The following CFAP46 variants were observed in gnomAD, a reference collection of about 807,000 sequenced individuals.
The protein encoded by CFAP46 is cilia and flagella associated protein 46.
Under a neutral mutation model 325.7 loss-of-function variants are expected in CFAP46, and 245 were observed. That is an observed-to-expected ratio of 0.75 (90% CI 0.68 to 0.84). The LOEUF (loss-of-function observed/expected upper bound fraction) is 0.84, where lower values mean the gene tolerates loss of function less well. CFAP46 is among the 40% of genes least tolerant of loss of function. The probability of loss-of-function intolerance (pLI) is 0.00; values close to 1 mark genes in which losing one functional copy is unlikely to be tolerated. For synonymous variants in CFAP46, 1,523 were observed against 1,495.9 expected, an observed-to-expected ratio of 1.02 and a Z score of -0.42; for missense variants, 3,346 against 3,543.0, an observed-to-expected ratio of 0.94 and a Z score of 1.41.
intron 50 of CFAP46, among the ~76,000 whole-genome samples, chr10:132,823,445 C>G (rs1847937906): frequency 9.1e-6 from 1 of 110,036 alleles, no homozygotes; most frequent in Non-Finnish European, 1.8e-5. Context: ...GCTGTGTGTG[C>G]TGATGTGTGT....
rs181011115 is a variant in CFAP46 at position 132,919,240 on chromosome 10, C to G, written c.1858+75G>C. ...GAAGGCCCCATGGGTTGTCATTGCA[C>G]GAACCACAACCCTTCCCACACCCAG... On this transcript the variant is annotated intron_variant, in intron 15 of 57. Coordinates refer to ENST00000368586, the MANE Select transcript of CFAP46 (RefSeq NM_001200049.3). This position sits in a 1 kb window ranked among gnomAD's most constrained non-coding sequence, Gnocchi z 9.7. 2.8e-6 allele frequency: 4 copies of G among 1,454,374 alleles called. No homozygotes were observed. Among genetic ancestry groups the G allele is most frequent in the Non-Finnish European group, 3.7e-6 (4 of 1,091,822 alleles). 90.1% of individuals were successfully genotyped at this position (1,454,374 alleles called of 1,614,324 possible).
rs529966007 is a variant in CFAP46, at chr10:132,821,162, T to C, written c.7118-6248A>G. 4.5e-4 allele frequency among the ~76,000 whole-genome samples: 61 copies of C among 134,584 alleles called. 2 individuals are homozygous for C. Among genetic ancestry groups the C allele is most frequent in the Admixed American group, 1.9e-3 (25 of 13,194 alleles). The allele number at this position is 134,584 out of a possible 152,430, so 88.3% of individuals were successfully genotyped here. A position where few individuals can be genotyped will look rare whatever the true frequency, so the allele number is the denominator to read the frequency against. On this transcript the variant is annotated intron_variant, in intron 50 of 57. Coordinates refer to ENST00000368586, the MANE Select transcript of CFAP46 (RefSeq NM_001200049.3). ...GTGCTGTGTGAGTGCTGATGTGTGC[T>C]GTCTGTGCGCTGATGTGTGCTGTGT...
At chr10:132,898,669 G>T in intron 24 of CFAP46, 1 of 478,616 alleles carries the variant, frequency 2.1e-6, no homozygotes, top group Non-Finnish European at 3.9e-6. Context: ...TTAAGGCAGG[G>T]ACTGTGCTGG....
At position 132,835,431 on chromosome 10, in the gene CFAP46, G is replaced by A. The variant is rs768731240; in HGVS notation, c.6617C>T (p.Ser2206Phe). The change falls in exon 47 of 58, where the codon TCC (serine) becomes TTC (phenylalanine). Residue 2206 changes from serine (S) to phenylalanine (F), a missense_variant. Coordinates refer to ENST00000368586, the MANE Select transcript of CFAP46 (RefSeq NM_001200049.3). ...AKGKVQAVGG[S>F]CKVMRLAISP... ...TATGGCCAGACGCATCACCTTGCAGGAGCCTGTGGGGACATGGACACACCC... is the reference window on the plus strand; with the variant it reads ...TATGGCCAGACGCATCACCTTGCAGAAGCCTGTGGGGACATGGACACACCC... 149 of 1,613,234 alleles carry A rather than the reference G, an allele frequency of 9.2e-5. No homozygotes were observed. Among genetic ancestry groups the A allele is most frequent in the Non-Finnish European group, 1.2e-4 (146 of 1,179,854 alleles).
chr10:132,936,843 G>A, intron 7 of CFAP46, 118 bp downstream of exon 7: 1 of 495,778 alleles, frequency 2.0e-6, no homozygotes, highest in East Asian at 3.3e-5. Context: ...CCCACTCACT[G>A]CAACTCCAGA....
chr10:132,908,708 A>G lies in CFAP46; in HGVS notation c.2758-74T>C, dbSNP rs1461291818. ...TTCCCACGGCCTGCAGCCCCCACGG[A>G]CCACGCAGCGCATGTGATCCTAAGC... On this transcript the variant is annotated intron_variant, in intron 21 of 57. Transcript: ENST00000368586. 14 of 1,449,110 alleles carry G rather than the reference A, an allele frequency of 9.7e-6. No individual in the cohort carries two copies. In the Admixed American group the frequency reaches 9.9e-5, roughly 10 times the overall value. The allele number at this position is 1,449,110 out of a possible 1,614,324, so 89.8% of individuals were successfully genotyped here. A position where few individuals can be genotyped will look rare whatever the true frequency, so the allele number is the denominator to read the frequency against.
At chr10:132,929,842 G>A (rs1849866187) in intron 8 of CFAP46, 38 bp from the exon 9 acceptor site, 1 of 1,508,028 alleles carries the variant, frequency 6.6e-7, no homozygotes, top group East Asian at 2.3e-5. Flanking sequence ...GGCTCAATAG[G>A]GGGCACAGGA....
chr10:132,940,866 C>T (rs571196731), intron 4 of CFAP46, 130 bp downstream of exon 4: 75 of 851,766 alleles, frequency 8.8e-5, no homozygotes, highest in Middle Eastern at 2.2e-4. Context: ...AGTGATCACA[C>T]GTGCATGAAA....
intron 32 of CFAP46, 40 bp downstream of exon 32, chr10:132,872,636 C>A (rs1848909185): frequency 6.5e-7 from 1 of 1,549,892 alleles, no homozygotes; most frequent in Admixed American, 2.0e-5. Flanking sequence ...TTTTGTTTTG[C>A]TTTGGGGAAA....
chr10:132,833,826 G>A (rs1431519737), intron 49 of CFAP46, among the ~76,000 whole-genome samples: 3 of 152,226 alleles, frequency 2.0e-5, no homozygotes, highest in Non-Finnish European at 4.4e-5. Flanking sequence ...GCTTGGCACA[G>A]AGCCTCCTAC....
chr10:132,824,758 G>T (rs1213641789), intron 50 of CFAP46, among the ~76,000 whole-genome samples: 1 of 113,646 alleles, frequency 8.8e-6, no homozygotes, highest in African/African-American at 3.7e-5. Flanking sequence ...CTGTGTGAGT[G>T]CTGATGTGTG....
chr10:132,821,367 GTGTGCTGTGTGTGCA>G (rs1847819392), intron 50 of CFAP46, among the ~76,000 whole-genome samples: 1 of 142,464 alleles, frequency 7.0e-6, no homozygotes, highest in African/African-American at 2.8e-5. Context: ...TGTGTGTGCT[GTGTGCTGTGTGTGCA>G]CTGATGTGTG....
Position 132,929,686 on chromosome 10 carries a change from G to T in CFAP46, c.966+19C>A. ...AGCAGCGCCTCATCCCCAGGCAGCA[G>T]TGTCATGAAGCCACTTACTTTGCTT... On this transcript the variant is annotated intron_variant, in intron 9 of 57. Transcript: ENST00000368586. The T allele has an allele frequency of 6.2e-7, 1 of 1,605,636 alleles. No individual in the cohort carries two copies. The highest frequency in any genetic ancestry group is 8.5e-7 in the Non-Finnish European group (1 of 1,172,278).
intron 36 of CFAP46, 50 bp downstream of exon 36, chr10:132,860,732 G>T: frequency 6.5e-7 from 1 of 1,535,816 alleles, no homozygotes; most frequent in Non-Finnish European, 8.8e-7. Context: ...TCTCCACCAA[G>T]CACCTGGCCC....
chr10:132,814,140 C>G lies in CFAP46; in HGVS notation c.7388+12G>C. On this transcript the variant is annotated intron_variant, in intron 54 of 57. Transcript: ENST00000368586. ...CACACTGCAAACGGCTCCTGGGAGC[C>G]CAGATCCGAACCTGGGAAAGTGCTT... 6.2e-7 allele frequency: 1 copy of G among 1,611,486 alleles called. No homozygotes were observed. Among genetic ancestry groups the G allele is most frequent in the African/African-American group, 1.3e-5 (1 of 75,014 alleles).
chr10:132,825,206 CTG>C (rs1319453247), intron 50 of CFAP46, among the ~76,000 whole-genome samples: 14 of 118,008 alleles, frequency 1.2e-4, no homozygotes, highest in African/African-American at 2.5e-4. Context: ...GCGCTGTGTG[CTG>C]TGTGTGTGCC....
chr10:132,941,889 C>T, intron 2 of CFAP46, 91 bp downstream of exon 2: 1 of 1,521,492 alleles, frequency 6.6e-7, no homozygotes. Flanking sequence ...AGCTGCCTCT[C>T]CCCAGCCCCA....
intron 27 of CFAP46, among the ~76,000 whole-genome samples, chr10:132,883,297 C>T (rs1246898011): frequency 6.6e-6 from 1 of 152,208 alleles, no homozygotes; most frequent in Non-Finnish European, 1.5e-5. Context: ...AACCAACCAA[C>T]CAGATTAAAA....
rs1027128157 is a variant in CFAP46 at position 132,938,510 on chromosome 10, C to T, written c.536+79G>A. On this transcript the variant is annotated intron_variant, in intron 5 of 57. Coordinates refer to ENST00000368586, the MANE Select transcript of CFAP46 (RefSeq NM_001200049.3). ...AGTGATGTGGAACTCCCGTCCCCCCCCCGGAGAAGGGGTGGTGGCCTCAGA... is the reference window on the plus strand; with the variant it reads ...AGTGATGTGGAACTCCCGTCCCCCCTCCGGAGAAGGGGTGGTGGCCTCAGA... 17 of 1,404,632 alleles carry T rather than the reference C, an allele frequency of 1.2e-5. 1 individual carries two copies. The Admixed American group carries it at 1.3e-4, about 11-fold the overall frequency. The allele number at this position is 1,404,632 out of a possible 1,614,324, so 87.0% of individuals were successfully genotyped here. A position where few individuals can be genotyped will look rare whatever the true frequency, so the allele number is the denominator to read the frequency against.
Sources: gnomAD v4.1 joint callset for allele counts (sites outside exome capture counted in the v4.1 genomes callset) on GRCh38, gnomAD v4.1.1 for gene constraint, Gnocchi (gnomAD v3.1) non-coding constraint, MANE v1.5 for transcripts, NCBI Gene and HGNC (gene_info 2026-07-23, HGNC 2026-07-21) for gene names.